IRF2: variants seen among roughly 807,000 people sequenced by gnomAD.
The protein encoded by IRF2 is interferon regulatory factor 2.
IRF2 carries 15 observed loss-of-function variants against 40.6 expected under a neutral mutation model. The observed-to-expected ratio is 0.37, with a 90% confidence interval of 0.25 to 0.57. The LOEUF (loss-of-function observed/expected upper bound fraction) is 0.57. Ranked by LOEUF, IRF2 falls within the 20% of genes least tolerant of loss-of-function variation. The pLI is 0.77. For synonymous variants in IRF2, 151 were observed against 165.5 expected (o/e 0.91, Z 0.67); for missense variants, 317 against 455.7 (o/e 0.70, Z 2.77).
chr4:184,434,042 G>A (rs1737986928), intron 1 of IRF2, among the ~76,000 whole-genome samples: 1 of 152,212 alleles, frequency 6.6e-6, no homozygotes, highest in Non-Finnish European at 1.5e-5. Context: ...CTGAGGACTG[G>A]AAAGAAAGAT....
intron 7 of IRF2, among the ~76,000 whole-genome samples, chr4:184,396,800 T>G (rs1386172204): frequency 6.6e-6 from 1 of 152,068 alleles, no homozygotes; most frequent in African/African-American, 2.4e-5. Context: ...CTAATTATAA[T>G]TAAACAAGTC....
chr4:184,448,291 G>A lies in IRF2; in HGVS notation c.-6-19221C>T, dbSNP rs1028820040. ...AAATGAAGCTGCTGGCGGTTTATTCGTCCTCCGTGCACCAGGATGGTATTA... is the reference window on the plus strand; with the variant it reads ...AAATGAAGCTGCTGGCGGTTTATTCATCCTCCGTGCACCAGGATGGTATTA... On this transcript the variant is annotated intron_variant, in intron 1 of 8. Coordinates refer to ENST00000393593, the MANE Select transcript of IRF2 (RefSeq NM_002199.4). This position sits in a 1 kb window ranked among gnomAD's most constrained non-coding sequence, Gnocchi z 4.3. Among the ~76,000 whole-genome samples, 3 of 152,142 alleles carry A rather than the reference G, an allele frequency of 2.0e-5. No homozygotes were observed. The highest frequency in any genetic ancestry group is 4.8e-5 in the African/African-American group (2 of 41,428).
rs35274774 is a variant in IRF2 at position 184,416,328 on chromosome 4, C to CA, written c.411+1838dup. ...GTAAGACCTTGTCTCAAAAAAAAAA[C>CA]AAAAAAAAAAAAAAACGAAAAAAAA... is the stretch of plus-strand genomic sequence containing the variant. On this transcript the variant is annotated intron_variant, in intron 5 of 8. Transcript: ENST00000393593. Among the ~76,000 whole-genome samples, 842 of 100,118 alleles carry CA rather than the reference C, an allele frequency of 8.4e-3. 1 individual carries two copies. The highest frequency in any genetic ancestry group is 0.019 in the Middle Eastern group (3 of 162). The allele number at this position is 100,118 out of a possible 152,430, so 65.7% of individuals were successfully genotyped here.
At chr4:184,470,254 G>A (rs13146124) in intron 1 of IRF2, among the ~76,000 whole-genome samples, 30,047 of 152,060 alleles carry the variant, frequency 0.2, 3,565 homozygotes, top group South Asian at 0.31. Context: ...CCGCAGTTTC[G>A]TTTATTTGCA....
intron 1 of IRF2, among the ~76,000 whole-genome samples, chr4:184,438,204 C>G (rs919879902): frequency 1.3e-5 from 2 of 152,166 alleles, no homozygotes; most frequent in African/African-American, 2.4e-5. Flanking sequence ...AATGAAGCTA[C>G]TTACAAAGCT....
intron 1 of IRF2, among the ~76,000 whole-genome samples, chr4:184,471,438 T>C (rs1441863184): frequency 1.3e-5 from 2 of 152,188 alleles, no homozygotes; most frequent in Non-Finnish European, 1.5e-5. Context: ...ATTTATTGAG[T>C]GTGTACATAA....
At chr4:184,396,699 G>T (rs2149892354) in intron 7 of IRF2, among the ~76,000 whole-genome samples, 1 of 152,198 alleles carries the variant, frequency 6.6e-6, no homozygotes, top group East Asian at 1.9e-4. Context: ...GCCTTCCAGT[G>T]CAGGGATTAC....
chr4:184,428,745 G>A, intron 2 of IRF2: 1 of 566,798 alleles, frequency 1.8e-6, no homozygotes, highest in Admixed American at 2.2e-5. Context: ...GCTGCAGTGA[G>A]TTATGACTGC....
rs1386001738 is a variant in IRF2 at position 184,408,247 on chromosome 4, A to T, written c.440T>A (p.Leu147His). 1 of 1,612,628 alleles carries T rather than the reference A, an allele frequency of 6.2e-7. No homozygotes were observed. The highest frequency in any genetic ancestry group is 8.5e-7 in the Non-Finnish European group (1 of 1,178,568). The change falls in exon 6 of 9, where the codon CTT (leucine) becomes CAT (histidine). Residue 147 changes from leucine to histidine, a missense_variant. Leu to His is a moderately conservative substitution (Grantham distance 99, BLOSUM62 -3). Around this residue, in one of 2 missense-constraint regions of IRF2, gnomAD observed 262 missense variants for 334.0 expected, o/e 0.78. Transcript: ENST00000393593. This position sits in a 1 kb window ranked among gnomAD's most constrained non-coding sequence, Gnocchi z 4.9. ...AGAAAGATCACTTACTCCATTACTAAGCCCCAGAGATGACTCAACTGGTTC... is the reference window on the plus strand; with the variant it reads ...AGAAAGATCACTTACTCCATTACTATGCCCCAGAGATGACTCAACTGGTTC... ...KQEPVESSLG[L>H]SNGVSDLSPE... is the part of the protein sequence containing the mutation.
intron 2 of IRF2, chr4:184,428,700 G>A: frequency 2.0e-6 from 1 of 504,398 alleles, no homozygotes; most frequent in South Asian, 1.6e-5. Flanking sequence ...TCTGGAGGCT[G>A]AGGTGGGAGG....
chr4:184,439,331 A>G (rs1345756371), intron 1 of IRF2, among the ~76,000 whole-genome samples: 9 of 143,302 alleles, frequency 6.3e-5, no homozygotes, highest in East Asian at 2.0e-4. Flanking sequence ...AAAAAAAAAA[A>G]GCGGGGCGGA....
chr4:184,452,056 G>A lies in IRF2; in HGVS notation c.-7+22323C>T, dbSNP rs1302887498. Among the ~76,000 whole-genome samples, 3 of 152,116 alleles carry A rather than the reference G, an allele frequency of 2.0e-5. No individual in the cohort carries two copies. In the South Asian group the frequency reaches 6.2e-4, roughly 32 times the overall value. On this transcript the variant is annotated intron_variant, in intron 1 of 8. Transcript: ENST00000393593. ...CAGCAAAGACAAGCAAGGGTTTAAAGCCTGAAATCCCTACACAATCTCTGT... is the reference window on the plus strand; with the variant it reads ...CAGCAAAGACAAGCAAGGGTTTAAAACCTGAAATCCCTACACAATCTCTGT...
At chr4:184,416,157 T>A (rs1034447287) in intron 5 of IRF2, among the ~76,000 whole-genome samples, 14 of 151,386 alleles carry the variant, frequency 9.2e-5, no homozygotes, top group Non-Finnish European at 1.8e-4. Flanking sequence ...TAAAAGAAAA[T>A]TTTTTTAAAT....
At chr4:184,402,506 C>T (rs1005221067) in intron 6 of IRF2, among the ~76,000 whole-genome samples, 1 of 152,094 alleles carries the variant, frequency 6.6e-6, no homozygotes, top group African/African-American at 2.4e-5. Context: ...TGGTCAATGG[C>T]ATCTCTCCTC....
intron 5 of IRF2, among the ~76,000 whole-genome samples, chr4:184,412,692 C>T (rs998052587): frequency 2.6e-5 from 4 of 152,036 alleles, no homozygotes; most frequent in African/African-American, 9.7e-5. Flanking sequence ...GGCCTCCTGC[C>T]CGGTCCCAGA....
At chr4:184,466,469 T>C (rs1172419123) in intron 1 of IRF2, among the ~76,000 whole-genome samples, 2 of 152,208 alleles carry the variant, frequency 1.3e-5, no homozygotes, top group Admixed American at 6.5e-5. Flanking sequence ...AAATTACAAA[T>C]ATGAATGCAT....
intron 1 of IRF2, among the ~76,000 whole-genome samples, chr4:184,443,296 C>T (rs1482301288): frequency 3.3e-5 from 5 of 152,176 alleles, no homozygotes; most frequent in Non-Finnish European, 5.9e-5. Flanking sequence ...GGTTTGGGCT[C>T]CTAATGATCC....
chr4:184,430,363 A>AGCCTTTTCCTTGTATGCCTCCTGCAGT (rs1378642835), intron 1 of IRF2, among the ~76,000 whole-genome samples: 10 of 150,812 alleles, frequency 6.6e-5, no homozygotes, highest in East Asian at 3.9e-4. Flanking sequence ...AGTCTGGCCC[A>AGCCTTTTCCTTGTATGCCTCCTGCAGT]CTGACTGCTG....
At chr4:184,466,846 A>G (rs1000825006) in intron 1 of IRF2, among the ~76,000 whole-genome samples, 1 of 152,224 alleles carries the variant, frequency 6.6e-6, no homozygotes, top group Non-Finnish European at 1.5e-5. Context: ...TCCAGGCTGC[A>G]AACATGTACT....
Sources: allele counts gnomAD v4.1 joint callset (sites outside exome capture counted in the v4.1 genomes callset), GRCh38; gene constraint gnomAD v4.1.1; regional missense constraint gnomAD v4.1.1; non-coding constraint Gnocchi (gnomAD v3.1); transcripts MANE v1.5; gene names NCBI Gene and HGNC (gene_info 2026-07-23, HGNC 2026-07-21).